PITX3: variants seen among roughly 807,000 people sequenced by gnomAD.
PITX3 encodes pituitary homeobox 3.
In PITX3, 4 loss-of-function variants were observed where a neutral mutation model predicts 14.2. The observed-to-expected ratio is 0.28, with a 90% CI of 0.14 to 0.65. The LOEUF (loss-of-function observed/expected upper bound fraction) is 0.65, where lower values mean the gene tolerates loss of function less well. Among genes scored for constraint, PITX3 ranks in the 30% least tolerant of loss-of-function variants. The pLI is 0.82. For synonymous variants in PITX3, 194 were observed against 204.5 expected, an observed-to-expected ratio of 0.95 and a Z score of 0.44; for missense variants, 358 against 426.8, an observed-to-expected ratio of 0.84 and a Z score of 1.42.
rs1435764368 is a variant in PITX3 at position 102,230,785 on chromosome 10, C to G, written c.638G>C (p.Gly213Ala). 2 of 1,545,362 alleles carry G rather than the reference C, an allele frequency of 1.3e-6. No homozygotes were observed. The highest frequency in any genetic ancestry group is 1.7e-6 in the Non-Finnish European group (2 of 1,144,858). Reference sequence around the variant, plus strand: ...GCCCCCGCCCAGGCCCTGCAGGGCCCCAGGCCCTGGCACGGTGCCCGGGGC... The same window carrying G: ...GCCCCCGCCCAGGCCCTGCAGGGCCGCAGGCCCTGGCACGGTGCCCGGGGC... Reference protein sequence around the residue: ...AAAPGTVPGPGALQGLGGGPP... With the variant: ...AAAPGTVPGPAALQGLGGGPP... Residue 213 changes from glycine (G) to alanine (A), a missense_variant, in exon 4 of 4, where the codon GGG (glycine) becomes GCG (alanine). This residue lies in a region of PITX3 where 236 missense variants were observed against 250.2 expected (regional missense o/e 0.94). Coordinates refer to ENST00000370002, the MANE Select transcript of PITX3 (RefSeq NM_005029.4).
At chr10:102,237,419 CT>C (rs1044907135) in intron 1 of PITX3, among the ~76,000 whole-genome samples, 1 of 152,128 alleles carries the variant, frequency 6.6e-6, no homozygotes, top group African/African-American at 2.4e-5. Flanking sequence ...TAGTCAGAGT[CT>C]CAGTGTAGGC....
intron 1 of PITX3, among the ~76,000 whole-genome samples, chr10:102,236,369 G>T (rs2070394196): frequency 6.6e-6 from 1 of 152,228 alleles, no homozygotes; most frequent in Non-Finnish European, 1.5e-5. Flanking sequence ...AACAGTGATG[G>T]TGAGTCCAGC....
chr10:102,231,131 C>T lies in PITX3; in HGVS notation c.322-30G>A, dbSNP rs535660152. On this transcript the variant is annotated intron_variant, in intron 3 of 3. Transcript: ENST00000370002. ...GGGCACGGGAGAAAGGCGGTCAGGG[C>T]CCGGGGCCGGGTCCCAGCGGCTGAA... 3.1e-5 allele frequency: 47 copies of T among 1,492,066 alleles called. No individual in the cohort carries two copies. The East Asian group carries it at 9.4e-4, about 30-fold the overall frequency. 92.4% of individuals were successfully genotyped at this position (1,492,066 alleles called of 1,614,324 possible).
chr10:102,240,091 G>C (rs779834030), intron 1 of PITX3, among the ~76,000 whole-genome samples: 4 of 152,208 alleles, frequency 2.6e-5, no homozygotes, highest in Non-Finnish European at 5.9e-5. Context: ...CTTCTGGCCT[G>C]GGCTCCTGCC....
At position 102,230,857 on chromosome 10, in the gene PITX3, G is replaced by A. The variant is rs1218795927; in HGVS notation, c.566C>T (p.Ser189Leu). ...GGAGGCGGCGATGGAGCTGGGTGGC[G>A]AGAAGACGGGCTGCGAAGCCAGAGG... ...VGPLASQPVF[S>L]PPSSIAASMV... is the part of the protein sequence containing the mutation. The change falls in exon 4 of 4, where the codon TCG becomes TTG. Residue 189 changes from serine to leucine, a missense_variant. This residue lies in a region of PITX3 where 236 missense variants were observed against 250.2 expected (regional missense o/e 0.94). Transcript: ENST00000370002. 6.3e-7 allele frequency: 1 copy of A among 1,598,608 alleles called. No homozygotes were observed. Among genetic ancestry groups the A allele is most frequent in the Non-Finnish European group, 8.5e-7 (1 of 1,173,502 alleles).
intron 1 of PITX3, among the ~76,000 whole-genome samples, chr10:102,235,297 CT>C (rs2070364775): frequency 6.6e-6 from 1 of 151,886 alleles, no homozygotes; most frequent in African/African-American, 2.4e-5. Context: ...CTGGATGCTG[CT>C]GAGTGAGGAG....
chr10:102,239,086 G>C (rs1433321158), intron 1 of PITX3, among the ~76,000 whole-genome samples: 1 of 152,142 alleles, frequency 6.6e-6, no homozygotes, highest in African/African-American at 2.4e-5. Flanking sequence ...TTATGCTGTA[G>C]ATTTCCATCC....
chr10:102,238,046 T>C (rs972220333), intron 1 of PITX3, among the ~76,000 whole-genome samples: 1 of 152,060 alleles, frequency 6.6e-6, no homozygotes, highest in African/African-American at 2.4e-5. Flanking sequence ...AACTATTAAC[T>C]GAAAGGTGTA....
intron 1 of PITX3, among the ~76,000 whole-genome samples, chr10:102,233,995 C>T (rs757660993): frequency 6.6e-6 from 1 of 152,128 alleles, no homozygotes; most frequent in Non-Finnish European, 1.5e-5. Context: ...TGGAGGAGAA[C>T]AGAAGGAGGC....
chr10:102,230,622 C>A lies in PITX3; in HGVS notation c.801G>T (p.Leu267=). The change falls in exon 4 of 4, where the codon CTG becomes CTT. Residue 267 remains leucine, a synonymous_variant. Transcript: ENST00000370002. ...AGGCGTGCTGTTTGGCTTTGAGCCG[C>A]AGGCTGGCCAGGCTCGAGTTACACG... ...RDPCNSSLAS[L]RLKAKQHASF... 3.7e-6 allele frequency: 6 copies of A among 1,608,112 alleles called. No homozygotes were observed. The highest frequency in any genetic ancestry group is 5.1e-6 in the Non-Finnish European group (6 of 1,177,654).
rs564029604 is a variant in PITX3, at chr10:102,230,372, C to T, written c.*142G>A. The T allele has an allele frequency of 2.3e-6, 3 of 1,309,630 alleles. No individual in the cohort carries two copies. Among genetic ancestry groups the T allele is most frequent in the Admixed American group, 4.7e-5 (2 of 42,720 alleles). 81.1% of individuals were successfully genotyped at this position (1,309,630 alleles called of 1,614,324 possible). A position where few individuals can be genotyped will look rare whatever the true frequency, so the allele number is the denominator to read the frequency against. Reference sequence around the variant, plus strand: ...CCCTCAGGGCTGGGAGGGGAAGGCCCTCTCCTGAGCCGGTGCCCCCCAGCT... The same window carrying T: ...CCCTCAGGGCTGGGAGGGGAAGGCCTTCTCCTGAGCCGGTGCCCCCCAGCT... On this transcript the variant is annotated 3_prime_UTR_variant, in exon 4 of 4. Coordinates refer to ENST00000370002, the MANE Select transcript of PITX3 (RefSeq NM_005029.4).
At position 102,230,697 on chromosome 10, in the gene PITX3, G is replaced by A. The variant is rs1411560576; in HGVS notation, c.726C>T (p.Ala242=). ...SGAVSCPYAS[A]AAAAAAAASS... ...AGGCGGCAGCCGCGGCGGCGGCGGC[G>A]GCCGAGGCATAAGGGCAGGACACGG... Residue 242 remains alanine (A), a synonymous_variant, in exon 4 of 4, where the codon GCC becomes GCT. Coordinates refer to ENST00000370002, the MANE Select transcript of PITX3 (RefSeq NM_005029.4). 1 of 1,563,170 alleles carries A rather than the reference G, an allele frequency of 6.4e-7. No individual in the cohort carries two copies. The highest frequency in any genetic ancestry group is 8.7e-7 in the Non-Finnish European group (1 of 1,154,560).
In PITX3 at chr10:102,230,560, G is replaced by A; in HGVS notation, c.863C>T (p.Ala288Val). ...SYPAVHGPPP[A>V]ANLSPCQYAV... ...GTACTGGCACGGACTAAGGTTGGCT[G>A]CCGGGGGCGGCCCGTGCACAGCGGG... Residue 288 changes from alanine (A) to valine (V), a missense_variant, in exon 4 of 4, where the codon GCA (alanine) becomes GTA (valine). Ala to Val is a moderately conservative substitution (Grantham distance 64). Transcript: ENST00000370002. 2 of 1,610,954 alleles carry A rather than the reference G, an allele frequency of 1.2e-6. No individual in the cohort carries two copies. The highest frequency in any genetic ancestry group is 1.7e-6 in the Non-Finnish European group (2 of 1,178,948).
intron 1 of PITX3, among the ~76,000 whole-genome samples, chr10:102,237,597 C>T (rs1278442122): frequency 2.0e-5 from 3 of 152,016 alleles, no homozygotes; most frequent in Non-Finnish European, 4.4e-5. Context: ...AGAAAAAAAC[C>T]CTAAGACCAG....
In PITX3 at chr10:102,241,074, C is replaced by A. The variant is rs1025842540; in HGVS notation, c.-13+259G>T. ...TCCAGACTCCCTACTCCCTGCCTCG[C>A]GAAGCCCCTATCCTGGTTTCAAGTC... On this transcript the variant is annotated intron_variant, in intron 1 of 3. Coordinates refer to ENST00000370002, the MANE Select transcript of PITX3 (RefSeq NM_005029.4). The surrounding 1 kb of genome is among the most constrained non-coding windows in gnomAD (Gnocchi z 6.7). Among the ~76,000 whole-genome samples the A allele has an allele frequency of 6.6e-6, 1 of 152,140 alleles. No individual in the cohort carries two copies. The highest frequency in any genetic ancestry group is 6.5e-5 in the Admixed American group (1 of 15,292).
chr10:102,239,437 G>T (rs1175339833), intron 1 of PITX3, among the ~76,000 whole-genome samples: 3 of 152,170 alleles, frequency 2.0e-5, no homozygotes, highest in African/African-American at 7.2e-5. Flanking sequence ...TTTTATGGGA[G>T]CACAGCAATG....
chr10:102,240,156 G>A (rs1241277320), intron 1 of PITX3, among the ~76,000 whole-genome samples: 1 of 152,252 alleles, frequency 6.6e-6, no homozygotes, highest in African/African-American at 2.4e-5. Flanking sequence ...AGTCTGGGGG[G>A]TGTCTGGTTA....
intron 1 of PITX3, among the ~76,000 whole-genome samples, chr10:102,238,568 T>C (rs2070460132): frequency 6.6e-6 from 1 of 152,222 alleles, no homozygotes; most frequent in South Asian, 2.1e-4. Flanking sequence ...ATTAGGCTGC[T>C]CTAAGTCTCA....
At chr10:102,236,615 C>T (rs1415314523) in intron 1 of PITX3, among the ~76,000 whole-genome samples, 1 of 152,134 alleles carries the variant, frequency 6.6e-6, no homozygotes. Context: ...GAGCAGATCC[C>T]AGGCCAGGGA....
Sources: gnomAD v4.1 joint callset for allele counts (sites outside exome capture counted in the v4.1 genomes callset) on GRCh38, gnomAD v4.1.1 for gene constraint, gnomAD v4.1.1 regional missense constraint, Gnocchi (gnomAD v3.1) non-coding constraint, MANE v1.5 for transcripts, NCBI Gene and HGNC (gene_info 2026-07-23, HGNC 2026-07-21) for gene names.